Variants in HNF4G observed in about 807,000 individuals in gnomAD.
HNF4G encodes hepatocyte nuclear factor 4 gamma.
In HNF4G, 21 loss-of-function variants were observed where a neutral mutation model predicts 50.9. That is an observed-to-expected ratio of 0.41 (90% CI 0.29 to 0.59). The LOEUF (loss-of-function observed/expected upper bound fraction) is 0.59. Ranked by LOEUF, HNF4G falls within the 20% of genes least tolerant of loss-of-function variation. HNF4G has a pLI of 0.26. For synonymous variants in HNF4G, 198 were observed against 185.6 expected (o/e 1.07, Z -0.54); for missense variants, 527 against 559.4 (o/e 0.94, Z 0.58).
chr8:75,531,393 A>G (rs1806322784), intron 2 of HNF4G, among the ~76,000 whole-genome samples: 1 of 152,160 alleles, frequency 6.6e-6, no homozygotes, highest in South Asian at 2.1e-4. Context: ...TTTCAATACA[A>G]GAGGTTAGAA....
intron 2 of HNF4G, among the ~76,000 whole-genome samples, chr8:75,514,819 C>G (rs1805849780): frequency 6.6e-6 from 1 of 151,730 alleles, no homozygotes; most frequent in Non-Finnish European, 1.5e-5. Flanking sequence ...TTTCTTTATT[C>G]TTTTTCAAAA....
At chr8:75,415,769 G>A (rs149756648) in intron 1 of HNF4G, among the ~76,000 whole-genome samples, 32 of 151,814 alleles carry the variant, frequency 2.1e-4, no homozygotes, top group Non-Finnish European at 3.4e-4. Context: ...GTGTGTGCAC[G>A]TGTGTGTGTT....
At chr8:75,454,050 TCTCCCTCCCTCCCTCTCTTCCTTTCTCC>T (rs796087844) in intron 1 of HNF4G, among the ~76,000 whole-genome samples, 4 of 132,362 alleles carry the variant, frequency 3.0e-5, no homozygotes, top group Non-Finnish European at 4.8e-5. Context: ...TCTCTCTCTC[TCTCCCTCCCTCCCTCTCTTCCTTTCTCC>T]CTCCCTCCCT....
intron 2 of HNF4G, among the ~76,000 whole-genome samples, chr8:75,514,354 C>CTTTTTT (rs36078375): frequency 4.0e-5 from 5 of 125,028 alleles, no homozygotes; most frequent in Non-Finnish European, 8.2e-5. Context: ...TTTCTTCTTT[C>CTTTTTT]TTTTTTTTTT....
intron 2 of HNF4G, among the ~76,000 whole-genome samples, chr8:75,514,804 T>A (rs1363592720): frequency 6.6e-6 from 1 of 152,212 alleles, no homozygotes; most frequent in Non-Finnish European, 1.5e-5. Context: ...CATTTTATTT[T>A]ATGATTTCTT....
intron 1 of HNF4G, among the ~76,000 whole-genome samples, chr8:75,435,663 G>T (rs1172578499): frequency 6.6e-6 from 1 of 152,082 alleles, no homozygotes; most frequent in East Asian, 1.9e-4. Flanking sequence ...GCATGATCTG[G>T]GCTCACTGCA....
chr8:75,551,729 TG>T (rs1165772436), intron 4 of HNF4G, among the ~76,000 whole-genome samples: 3 of 152,234 alleles, frequency 2.0e-5, no homozygotes, highest in Admixed American at 6.5e-5. Flanking sequence ...AGTCTAAGAT[TG>T]TTTTTTAAAA....
chr8:75,443,079 G>C (rs1207604439), intron 1 of HNF4G, among the ~76,000 whole-genome samples: 1 of 152,118 alleles, frequency 6.6e-6, no homozygotes, highest in Non-Finnish European at 1.5e-5. Flanking sequence ...TCGAGAATGG[G>C]ATTAGTTCCT....
At chr8:75,538,169 A>T (rs1320531664), upstream of HNF4G, among the ~76,000 whole-genome samples, 1 of 152,202 alleles carries the variant, frequency 6.6e-6, no homozygotes. Flanking sequence ...AGAAAATAAC[A>T]TAAACTAACA....
intron 2 of HNF4G, among the ~76,000 whole-genome samples, chr8:75,498,690 A>C (rs1585897372): frequency 1.3e-5 from 2 of 152,108 alleles, no homozygotes; most frequent in African/African-American, 4.8e-5. Context: ...CAACAACAGA[A>C]AAAAAGGATT....
chr8:75,539,108 G>C (rs140325958), upstream of HNF4G, among the ~76,000 whole-genome samples: 11 of 152,074 alleles, frequency 7.2e-5, no homozygotes, highest in African/African-American at 2.7e-4. Context: ...GATGTACTGT[G>C]CTATATAGAT....
intron 1 of HNF4G, among the ~76,000 whole-genome samples, chr8:75,412,158 A>T (rs540154062): frequency 6.6e-6 from 1 of 152,152 alleles, no homozygotes; most frequent in Non-Finnish European, 1.5e-5. Flanking sequence ...GGCCTTGGAG[A>T]TGTATTGATG....
intron 1 of HNF4G, among the ~76,000 whole-genome samples, chr8:75,411,719 T>C (rs932735401): frequency 1.3e-5 from 2 of 152,162 alleles, no homozygotes; most frequent in African/African-American, 4.8e-5. Context: ...GCGTGGTGTA[T>C]AAGTCACAAG....
At chr8:75,544,238 T>C (rs929730567) in intron 2 of HNF4G, among the ~76,000 whole-genome samples, 4 of 152,182 alleles carry the variant, frequency 2.6e-5, no homozygotes, top group Admixed American at 2.0e-4. Flanking sequence ...ACCAATATAG[T>C]TGAAGCCTTT....
At chr8:75,441,288 C>T (rs1563507611) in intron 1 of HNF4G, among the ~76,000 whole-genome samples, 1 of 151,474 alleles carries the variant, frequency 6.6e-6, no homozygotes. Context: ...CAATGTCACC[C>T]AGGCTAAAGT....
chr8:75,426,924 A>T (rs1276905862), intron 1 of HNF4G, among the ~76,000 whole-genome samples: 3 of 152,200 alleles, frequency 2.0e-5, no homozygotes, highest in African/African-American at 7.2e-5. Context: ...GGGGTTAGGG[A>T]TAAATACAAT....
chr8:75,432,580 C>T (rs1292401251), intron 1 of HNF4G, among the ~76,000 whole-genome samples: 1 of 152,154 alleles, frequency 6.6e-6, no homozygotes, highest in Non-Finnish European at 1.5e-5. Flanking sequence ...GGATTACAGG[C>T]ATAAGCCACC....
intron 1 of HNF4G, among the ~76,000 whole-genome samples, chr8:75,422,221 G>A (rs746169991): frequency 1.5e-4 from 23 of 152,150 alleles, no homozygotes; most frequent in Non-Finnish European, 2.6e-4. Flanking sequence ...GACTATTAGT[G>A]AAATAATAAT....
At chr8:75,409,453 T>G (rs1810441730) in intron 1 of HNF4G, among the ~76,000 whole-genome samples, 1 of 147,546 alleles carries the variant, frequency 6.8e-6, no homozygotes, top group Admixed American at 6.8e-5. Context: ...ATGCAAATAA[T>G]AAGTATTTGT....
Sources: allele counts gnomAD v4.1 joint callset (sites outside exome capture counted in the v4.1 genomes callset), GRCh38; gene constraint gnomAD v4.1.1; transcripts MANE v1.5; gene names NCBI Gene and HGNC (gene_info 2026-07-23, HGNC 2026-07-21).